GPC5: variants seen among roughly 807,000 people sequenced by gnomAD.
The protein encoded by GPC5 is glypican-5.
In GPC5, 47 loss-of-function variants were observed where a neutral mutation model predicts 53.9. That is an observed-to-expected ratio of 0.87 (90% CI 0.69 to 1.11). GPC5 has a LOEUF of 1.11. GPC5 is among the 50% of genes most tolerant of loss of function. The probability of loss-of-function intolerance (pLI) is 0.00; values close to 1 mark genes in which losing one functional copy is unlikely to be tolerated. For missense variants in GPC5, 748 were observed against 713.1 expected (o/e 1.05, Z -0.56); for synonymous variants, 286 against 263.3 (o/e 1.09, Z -0.84).
intron 2 of GPC5, among the ~76,000 whole-genome samples, chr13:91,506,598 G>A (rs1340043689): frequency 6.6e-6 from 1 of 151,968 alleles, no homozygotes; most frequent in Non-Finnish European, 1.5e-5. Flanking sequence ...AGTTAACAAA[G>A]AAATAAGTAA....
chr13:92,614,041 T>A (rs1482618280), intron 7 of GPC5, among the ~76,000 whole-genome samples: 1 of 152,108 alleles, frequency 6.6e-6, no homozygotes, highest in African/African-American at 2.4e-5. Context: ...TATGAAGGGT[T>A]CTGCATGCCT....
At chr13:92,701,884 C>T (rs61974478) in intron 7 of GPC5, among the ~76,000 whole-genome samples, 2,358 of 152,192 alleles carry the variant, frequency 0.015, 37 homozygotes, top group Non-Finnish European at 0.026. Flanking sequence ...AAAGCTAATT[C>T]CAGTCTCTGA....
chr13:92,027,467 G>A (rs771106535), intron 6 of GPC5, among the ~76,000 whole-genome samples: 2 of 152,172 alleles, frequency 1.3e-5, no homozygotes, highest in Middle Eastern at 3.4e-3. Context: ...TTAAAGTCAC[G>A]GTTTTCAAGA....
At chr13:92,166,954 TCTCACACACA>T (rs1448169413) in intron 7 of GPC5, among the ~76,000 whole-genome samples, 6 of 44,614 alleles carry the variant, frequency 1.3e-4, no homozygotes, top group African/African-American at 2.2e-4. Context: ...TCTCTCTCTC[TCTCACACACA>T]CACACACACA....
intron 6 of GPC5, among the ~76,000 whole-genome samples, chr13:92,132,889 G>T (rs1345808625): frequency 6.6e-6 from 1 of 152,018 alleles, no homozygotes; most frequent in Non-Finnish European, 1.5e-5. Flanking sequence ...CTGCAATATG[G>T]CTTGATTATA....
chr13:92,073,372 T>G (rs1346661520), intron 6 of GPC5, among the ~76,000 whole-genome samples: 1 of 152,212 alleles, frequency 6.6e-6, no homozygotes, highest in Non-Finnish European at 1.5e-5. Flanking sequence ...TCTCTCAACT[T>G]TATCCAGGAA....
intron 5 of GPC5, among the ~76,000 whole-genome samples, chr13:91,870,245 T>C (rs931539269): frequency 2.0e-5 from 3 of 152,184 alleles, no homozygotes; most frequent in Non-Finnish European, 4.4e-5. Flanking sequence ...CCGTAGAGTA[T>C]GAAATGCTTC....
chr13:92,032,195 C>T (rs1011368782), intron 6 of GPC5, among the ~76,000 whole-genome samples: 1 of 150,030 alleles, frequency 6.7e-6, no homozygotes, highest in African/African-American at 2.4e-5. Context: ...GAAAACCAAA[C>T]ATCCTATGTT....
intron 7 of GPC5, among the ~76,000 whole-genome samples, chr13:92,413,767 C>A (rs1018446765): frequency 1.3e-5 from 2 of 152,080 alleles, no homozygotes; most frequent in Non-Finnish European, 2.9e-5. Flanking sequence ...GGTACACATA[C>A]CAAGGACCAC....
chr13:91,812,094 CTGT>C (rs2038321256), intron 5 of GPC5, among the ~76,000 whole-genome samples: 1 of 152,154 alleles, frequency 6.6e-6, no homozygotes, highest in African/African-American at 2.4e-5. Flanking sequence ...CAGGTAGTAC[CTGT>C]TGCCTTAGGC....
chr13:91,441,373 A>G (rs923951272), intron 1 of GPC5, among the ~76,000 whole-genome samples: 1 of 152,218 alleles, frequency 6.6e-6, no homozygotes, highest in African/African-American at 2.4e-5. Context: ...ATCATAGAAG[A>G]AAGTAGAATG....
intron 6 of GPC5, among the ~76,000 whole-genome samples, chr13:92,125,674 T>G (rs1305418464): frequency 6.6e-6 from 1 of 152,118 alleles, no homozygotes; most frequent in African/African-American, 2.4e-5. Flanking sequence ...TATTTAAGCA[T>G]TGATTTAACA....
chr13:92,045,302 A>C (rs1229320331), intron 6 of GPC5, among the ~76,000 whole-genome samples: 1 of 152,200 alleles, frequency 6.6e-6, no homozygotes, highest in Admixed American at 6.5e-5. Flanking sequence ...TAGAAGGAGA[A>C]AGAGAAGCAA....
chr13:91,503,329 C>G (rs1884750193), intron 2 of GPC5, among the ~76,000 whole-genome samples: 3 of 152,098 alleles, frequency 2.0e-5, no homozygotes, highest in African/African-American at 7.2e-5. Context: ...TCATCAATAA[C>G]TCTGCAATTT....
chr13:92,545,536 A>G (rs2139007905), intron 7 of GPC5, among the ~76,000 whole-genome samples: 1 of 152,312 alleles, frequency 6.6e-6, no homozygotes, highest in South Asian at 2.1e-4. Context: ...AGTCCCACCA[A>G]CAGTGTAAAA....
In GPC5 at chr13:92,866,202, CTTTGAG is replaced by C. The variant is rs1005269718; in HGVS notation, c.1562-76_1562-71del. ...GTCCCCAAAAACAATGCTGTCCACA[CTTTGAG>C]TTTAAGAGTTGTTCTAGACGTATTA... On this transcript the variant is annotated intron_variant, in intron 7 of 7. Coordinates refer to ENST00000377067, the MANE Select transcript of GPC5 (RefSeq NM_004466.6). 1.1e-5 allele frequency: 14 copies of C among 1,277,414 alleles called. No individual in the cohort carries two copies. In the African/African-American group the frequency reaches 1.2e-4, roughly 11 times the overall value. 79.1% of individuals were successfully genotyped at this position (1,277,414 alleles called of 1,614,324 possible).
chr13:91,781,552 G>A (rs551974856), intron 5 of GPC5, among the ~76,000 whole-genome samples: 7 of 152,190 alleles, frequency 4.6e-5, no homozygotes, highest in African/African-American at 1.2e-4. Flanking sequence ...TTTTTACCAC[G>A]GAACAAGTAA....
At chr13:91,505,130 TC>T (rs2139310704) in intron 2 of GPC5, among the ~76,000 whole-genome samples, 1 of 152,340 alleles carries the variant, frequency 6.6e-6, no homozygotes, top group East Asian at 1.9e-4. Context: ...GTATTTTTTT[TC>T]TTTCAAAACA....
intron 7 of GPC5, among the ~76,000 whole-genome samples, chr13:92,220,933 C>G (rs1017646006): frequency 2.6e-5 from 4 of 152,086 alleles, no homozygotes; most frequent in African/African-American, 9.7e-5. Flanking sequence ...TGTTCATAAG[C>G]CTTTTTTGTG....
Sources: gnomAD v4.1 joint callset for allele counts (sites outside exome capture counted in the v4.1 genomes callset) on GRCh38, gnomAD v4.1.1 for gene constraint, MANE v1.5 for transcripts, NCBI Gene and HGNC (gene_info 2026-07-23, HGNC 2026-07-21) for gene names.